GRID2: variants seen among roughly 807,000 people sequenced by gnomAD.
The protein encoded by GRID2 is glutamate receptor ionotropic, delta-2.
A neutral mutation model predicts 114.8 loss-of-function variants in GRID2; 33 were observed. The ratio of observed to expected loss-of-function variants is 0.29; its 90% confidence interval spans 0.22 to 0.38. The LOEUF is 0.38. GRID2 is among the 10% of genes least tolerant of loss of function. The probability of loss-of-function intolerance (pLI) is 1.00; values close to 1 mark genes in which losing one functional copy is unlikely to be tolerated. For synonymous variants in GRID2, 505 were observed against 449.9 expected (o/e 1.12, Z -1.55); for missense variants, 1,184 against 1,257.7 (o/e 0.94, Z 0.89).
At chr4:92,985,338 C>T (rs1312044899) in intron 2 of GRID2, among the ~76,000 whole-genome samples, 3 of 151,742 alleles carry the variant, frequency 2.0e-5, no homozygotes, top group African/African-American at 4.8e-5. Flanking sequence ...ATTCTTCTGC[C>T]TCAGCCTCAG....
chr4:92,763,386 C>T (rs1458461976), intron 2 of GRID2, among the ~76,000 whole-genome samples: 2 of 152,108 alleles, frequency 1.3e-5, no homozygotes, highest in Admixed American at 1.3e-4. Context: ...GTCTGTCCTC[C>T]ATATCCCCAG....
intron 1 of GRID2, among the ~76,000 whole-genome samples, chr4:92,581,142 C>A (rs1728165412): frequency 6.6e-6 from 1 of 151,172 alleles, no homozygotes; most frequent in South Asian, 2.1e-4. Flanking sequence ...AACATTGCTG[C>A]CTTTATACAA....
intron 8 of GRID2, among the ~76,000 whole-genome samples, chr4:93,307,891 A>G (rs1755600618): frequency 6.6e-6 from 1 of 151,466 alleles, no homozygotes; most frequent in Non-Finnish European, 1.5e-5. Flanking sequence ...TTTTTTCGAG[A>G]TAGTTTTACA....
intron 2 of GRID2, among the ~76,000 whole-genome samples, chr4:92,685,696 C>T (rs1733864050): frequency 6.6e-6 from 1 of 151,904 alleles, no homozygotes; most frequent in South Asian, 2.1e-4. Flanking sequence ...ATTTTAATAT[C>T]CAAGATGTTG....
chr4:92,916,476 C>T (rs1451603251), intron 2 of GRID2, among the ~76,000 whole-genome samples: 2 of 152,096 alleles, frequency 1.3e-5, no homozygotes, highest in African/African-American at 4.8e-5. Flanking sequence ...CGTCATTTAA[C>T]ATTAGGTATA....
intron 1 of GRID2, among the ~76,000 whole-genome samples, chr4:92,442,923 C>T (rs1445792713): frequency 1.3e-5 from 2 of 151,888 alleles, no homozygotes; most frequent in Admixed American, 6.6e-5. Context: ...TAAGCCGGAC[C>T]AGGTGTGAGG....
chr4:92,331,178 T>C (rs1391728986), intron 1 of GRID2, among the ~76,000 whole-genome samples: 1 of 152,198 alleles, frequency 6.6e-6, no homozygotes, highest in Non-Finnish European at 1.5e-5. Context: ...ATTTACTTTT[T>C]GAATAAAGTT....
chr4:93,569,917 T>C (rs1163130361), intron 13 of GRID2, among the ~76,000 whole-genome samples: 5 of 152,126 alleles, frequency 3.3e-5, no homozygotes, highest in Non-Finnish European at 7.3e-5. Context: ...ATTACTGCAG[T>C]TATTTTCTTC....
chr4:93,789,006 G>A (rs943886649), intron 1 of GRID2, among the ~76,000 whole-genome samples: 2 of 152,102 alleles, frequency 1.3e-5, no homozygotes, highest in Admixed American at 6.5e-5. Context: ...CTGTATCTGT[G>A]TCTTTAAGGA....
chr4:93,226,284 C>G (rs531942471), intron 7 of GRID2, among the ~76,000 whole-genome samples: 1 of 152,234 alleles, frequency 6.6e-6, no homozygotes, highest in African/African-American at 2.4e-5. Context: ...CATGATTCAT[C>G]ATGACGCAAA....
At chr4:92,378,744 A>G (rs1445526564) in intron 1 of GRID2, among the ~76,000 whole-genome samples, 2 of 152,044 alleles carry the variant, frequency 1.3e-5, no homozygotes, top group Non-Finnish European at 2.9e-5. Context: ...ATTTACCATC[A>G]ACATATTGTG....
At chr4:92,993,331 C>A (rs1033102702) in intron 2 of GRID2, among the ~76,000 whole-genome samples, 1 of 151,304 alleles carries the variant, frequency 6.6e-6, no homozygotes, top group African/African-American at 2.4e-5. Context: ...AATGCAGTTA[C>A]TTTCTGAGTA....
At chr4:92,489,388 G>A (rs573220924) in intron 1 of GRID2, among the ~76,000 whole-genome samples, 1 of 152,016 alleles carries the variant, frequency 6.6e-6, no homozygotes, top group Non-Finnish European at 1.5e-5. Flanking sequence ...ACATCTCATT[G>A]AAATCTCGAT....
chr4:93,750,096 C>T (rs910430908), intron 14 of GRID2, among the ~76,000 whole-genome samples: 1 of 152,196 alleles, frequency 6.6e-6, no homozygotes, highest in African/African-American at 2.4e-5. Flanking sequence ...TCGAACGCAT[C>T]CTCTGTGCAA....
intron 8 of GRID2, among the ~76,000 whole-genome samples, chr4:93,376,370 A>G (rs1763382953): frequency 6.6e-6 from 1 of 152,196 alleles, no homozygotes; most frequent in African/African-American, 2.4e-5. Flanking sequence ...ACCAATTTGC[A>G]AATAATGCAA....
In GRID2 at chr4:93,170,529, G is replaced by A. The variant is rs181802379; in HGVS notation, c.736-36875G>A. Among the ~76,000 whole-genome samples the A allele has an allele frequency of 5.3e-5, 8 of 152,168 alleles. No homozygotes were observed. The East Asian group carries it at 7.7e-4, about 15-fold the overall frequency. On this transcript the variant is annotated intron_variant, in intron 4 of 15. Transcript: ENST00000282020. ...CTTATTTCCATTGAGATATAGATAG[G>A]TTTCTCTACCAGACAGTTCCTGCTT...
intron 2 of GRID2, among the ~76,000 whole-genome samples, chr4:92,991,786 A>C (rs780831116): frequency 6.6e-6 from 1 of 152,210 alleles, no homozygotes; most frequent in South Asian, 2.1e-4. Flanking sequence ...CGAGTAATTT[A>C]GGCCTGAGTA....
intron 14 of GRID2, among the ~76,000 whole-genome samples, chr4:93,722,933 A>C (rs549793520): frequency 6.6e-6 from 1 of 152,320 alleles, no homozygotes; most frequent in African/African-American, 2.4e-5. Flanking sequence ...AGATACTGAA[A>C]ACCATGTAAC....
rs374099642 is a variant in GRID2 at position 92,964,007 on chromosome 4, C to T, written c.245-120988C>T. ...CATAATTTCAAAGTAATATTGTTTTCTGAGCACCAGTTCGCAGCAGTGGCC... is the reference window on the plus strand; with the variant it reads ...CATAATTTCAAAGTAATATTGTTTTTTGAGCACCAGTTCGCAGCAGTGGCC... On this transcript the variant is annotated intron_variant, in intron 2 of 15. Transcript: ENST00000282020. 2.6e-3 allele frequency among the ~76,000 whole-genome samples: 396 copies of T among 152,086 alleles called. 4 individuals are homozygous for T. The highest frequency in any genetic ancestry group is 3.4e-3 in the Middle Eastern group (1 of 294).
Sources: gnomAD v4.1 joint callset for allele counts (sites outside exome capture counted in the v4.1 genomes callset) on GRCh38, gnomAD v4.1.1 for gene constraint, MANE v1.5 for transcripts, NCBI Gene and HGNC (gene_info 2026-07-23, HGNC 2026-07-21) for gene names.